NRG3: variants seen among roughly 807,000 people sequenced by gnomAD.
NRG3 encodes neuregulin 3.
In NRG3, 31 loss-of-function variants were observed where a neutral mutation model predicts 66.9. The ratio of observed to expected loss-of-function variants is 0.46; its 90% CI spans 0.35 to 0.63. The LOEUF (loss-of-function observed/expected upper bound fraction) is 0.63, where lower values mean the gene tolerates loss of function less well. NRG3 is among the 20% of genes least tolerant of loss of function. NRG3 has a pLI of 0.00. For missense variants in NRG3, 910 were observed against 878.9 expected, an observed-to-expected ratio of 1.04 and a Z score of -0.45; for synonymous variants, 393 against 359.4, an observed-to-expected ratio of 1.09 and a Z score of -1.06.
At chr10:82,051,869 A>C (rs1317864931) in intron 1 of NRG3, among the ~76,000 whole-genome samples, 1 of 152,106 alleles carries the variant, frequency 6.6e-6, no homozygotes, top group Non-Finnish European at 1.5e-5. Context: ...AACTGAGCTC[A>C]AGCTTCTCAT....
intron 7 of NRG3, 80 bp downstream of exon 7, chr10:82,973,995 C>A: frequency 6.6e-7 from 1 of 1,520,708 alleles, no homozygotes; most frequent in South Asian, 1.1e-5. Flanking sequence ...GGACTGGCAG[C>A]ATGACTTAGG....
chr10:82,366,253 T>C (rs1277485751), intron 2 of NRG3, among the ~76,000 whole-genome samples: 1 of 152,228 alleles, frequency 6.6e-6, no homozygotes, highest in Non-Finnish European at 1.5e-5. Flanking sequence ...ATATATATGA[T>C]AGCTCTTTCC....
intron 1 of NRG3, among the ~76,000 whole-genome samples, chr10:81,939,212 A>G (rs530292043): frequency 1.3e-5 from 2 of 152,002 alleles, no homozygotes; most frequent in East Asian, 1.9e-4. Context: ...TTTATCATAG[A>G]TATTGGTCTA....
At chr10:82,031,132 G>A (rs7894512) in intron 1 of NRG3, among the ~76,000 whole-genome samples, 28 of 152,134 alleles carry the variant, frequency 1.8e-4, no homozygotes, top group African/African-American at 6.0e-4. Flanking sequence ...TAGAAGACCC[G>A]TCCCATTTAT....
At chr10:82,222,346 G>A (rs933141020) in intron 1 of NRG3, among the ~76,000 whole-genome samples, 1 of 149,246 alleles carries the variant, frequency 6.7e-6, no homozygotes, top group Admixed American at 6.7e-5. Context: ...ATTGTGATGA[G>A]AACTCAGGAG....
rs573726156 is a variant in NRG3 at position 82,516,218 on chromosome 10, G to A, written c.953+157350G>A. On this transcript the variant is annotated intron_variant, in intron 2 of 8. Coordinates refer to ENST00000372141, the MANE Select transcript of NRG3 (RefSeq NM_001010848.4). The stretch of plus-strand genomic sequence containing the variant: ...GAAGTAAAGTAAGGGGAAGAGAGGA[G>A]GCAATGAGGTTTGTCTATGACATTC... Among the ~76,000 whole-genome samples, 3 of 152,032 alleles carry A rather than the reference G, an allele frequency of 2.0e-5. No individual in the cohort carries two copies. The South Asian group carries it at 6.2e-4, about 32-fold the overall frequency.
intron 4 of NRG3, among the ~76,000 whole-genome samples, chr10:82,893,035 C>A (rs367801776): frequency 6.5e-4 from 99 of 152,022 alleles, no homozygotes; most frequent in East Asian, 2.7e-3. Flanking sequence ...TCTTAGGCAC[C>A]TTTCATAGTG....
chr10:82,655,500 T>C (rs1000301654), intron 2 of NRG3, among the ~76,000 whole-genome samples: 2 of 152,140 alleles, frequency 1.3e-5, no homozygotes, highest in African/African-American at 4.8e-5. Context: ...CTTCATCCAA[T>C]TGACAGTTGT....
At chr10:82,231,929 A>C (rs1564690913) in intron 1 of NRG3, among the ~76,000 whole-genome samples, 1 of 152,196 alleles carries the variant, frequency 6.6e-6, no homozygotes, top group East Asian at 1.9e-4. Context: ...TCTTTAAGAA[A>C]CTGCTTTCAA....
chr10:82,797,846 A>G (rs981223464), intron 3 of NRG3, among the ~76,000 whole-genome samples: 4 of 152,066 alleles, frequency 2.6e-5, no homozygotes, highest in Non-Finnish European at 5.9e-5. Context: ...TGCATATTTG[A>G]CCTGGCTCTG....
At chr10:82,295,421 C>CGGTGGAG (rs1472929463) in intron 1 of NRG3, among the ~76,000 whole-genome samples, 16 of 151,996 alleles carry the variant, frequency 1.1e-4, no homozygotes, top group Middle Eastern at 3.2e-3. Context: ...AGTATGACCT[C>CGGTGGAG]GGTGGAGCCT....
intron 1 of NRG3, among the ~76,000 whole-genome samples, chr10:82,144,958 A>T (rs1438915757): frequency 1.3e-5 from 2 of 152,332 alleles, no homozygotes; most frequent in African/African-American, 4.8e-5. Context: ...TTATGAAAAT[A>T]ACATTTCCAT....
At chr10:82,915,322 A>G (rs1228185710) in intron 4 of NRG3, among the ~76,000 whole-genome samples, 1 of 152,152 alleles carries the variant, frequency 6.6e-6, no homozygotes, top group East Asian at 1.9e-4. Flanking sequence ...AACAGCAATA[A>G]CTGCTGAGCT....
chr10:81,980,443 TA>T (rs1312493656), intron 1 of NRG3, among the ~76,000 whole-genome samples: 1 of 152,088 alleles, frequency 6.6e-6, no homozygotes, highest in Non-Finnish European at 1.5e-5. Flanking sequence ...ACTGAACAAA[TA>T]AAAAAGACAA....
chr10:82,669,506 C>T (rs1307205384), intron 2 of NRG3, among the ~76,000 whole-genome samples: 6 of 152,214 alleles, frequency 3.9e-5, no homozygotes, highest in African/African-American at 1.2e-4. Flanking sequence ...CCAAAGCTCC[C>T]CAGCAATTTG....
At chr10:82,107,920 A>G (rs2067165459) in intron 1 of NRG3, among the ~76,000 whole-genome samples, 1 of 152,216 alleles carries the variant, frequency 6.6e-6, no homozygotes, top group African/African-American at 2.4e-5. Flanking sequence ...GAAGCTGAAA[A>G]ACGAAAACAT....
intron 3 of NRG3, among the ~76,000 whole-genome samples, chr10:82,809,757 A>C (rs867608670): frequency 3.0e-4 from 46 of 152,288 alleles, no homozygotes; most frequent in Middle Eastern, 6.8e-3. Flanking sequence ...TATGTAAGAA[A>C]TATTCATCTT....
chr10:82,922,778 C>T (rs1243858694), intron 4 of NRG3, among the ~76,000 whole-genome samples: 1 of 152,214 alleles, frequency 6.6e-6, no homozygotes, highest in Non-Finnish European at 1.5e-5. Flanking sequence ...AGTTGTCTCA[C>T]TAGCACCTCA....
At chr10:82,204,963 T>C (rs2075044597) in intron 1 of NRG3, among the ~76,000 whole-genome samples, 1 of 152,208 alleles carries the variant, frequency 6.6e-6, no homozygotes, top group South Asian at 2.1e-4. Context: ...GTCACATGGC[T>C]CCAACATAAC....
Sources: allele counts gnomAD v4.1 joint callset (sites outside exome capture counted in the v4.1 genomes callset), GRCh38; gene constraint gnomAD v4.1.1; transcripts MANE v1.5; gene names NCBI Gene and HGNC (gene_info 2026-07-23, HGNC 2026-07-21).